The following IPO11 variants were observed in gnomAD, a reference collection of about 807,000 sequenced individuals.
IPO11 encodes importin-11.
IPO11 carries 66 observed loss-of-function variants against 143.2 expected under a neutral mutation model. That is an observed-to-expected ratio of 0.46 (90% CI 0.38 to 0.57). The LOEUF (loss-of-function observed/expected upper bound fraction) is 0.57, where lower values mean the gene tolerates loss of function less well. IPO11 is among the 20% of genes least tolerant of loss of function. The pLI, the probability that IPO11 is intolerant of heterozygous loss-of-function variation, is 0.00. For missense variants in IPO11, 1,026 were observed against 1,141.0 expected (o/e 0.90, Z 1.45); for synonymous variants, 385 against 377.8 (o/e 1.02, Z -0.22).
intron 1 of IPO11, among the ~76,000 whole-genome samples, chr5:62,427,734 C>A (rs537176660): frequency 1.3e-5 from 2 of 152,204 alleles, no homozygotes; most frequent in Non-Finnish European, 2.9e-5. Context: ...ACCATCCCCC[C>A]CTGCCCTTTA....
chr5:62,485,850 T>TAA (rs781614647), intron 12 of IPO11, among the ~76,000 whole-genome samples: 16 of 126,556 alleles, frequency 1.3e-4, no homozygotes, highest in Non-Finnish European at 2.0e-4. Flanking sequence ...ACCCGTCTCT[T>TAA]AAAAAAAAAA....
chr5:62,554,247 GTTGCTTTTGTCATA>G lies in IPO11; in HGVS notation c.2460+2913_2460+2926del, dbSNP rs199780276. Among the ~76,000 whole-genome samples the G allele has an allele frequency of 1.0e-3, 154 of 152,172 alleles. 1 individual carries two copies. Among genetic ancestry groups the G allele is most frequent in the East Asian group, 8.3e-3 (43 of 5,168 alleles). ...GGGATGTTCTTTTACTCTGTTGTTG[GTTGCTTTTGTCATA>G]TAGAAGCTTTTTAGTTTGATAGAAT... is the stretch of plus-strand genomic sequence containing the variant. On this transcript the variant is annotated intron_variant, in intron 26 of 29. Coordinates refer to ENST00000325324, the MANE Select transcript of IPO11 (RefSeq NM_016338.5).
At chr5:62,416,006 T>G (rs972325768) in intron 1 of IPO11, among the ~76,000 whole-genome samples, 3 of 152,096 alleles carry the variant, frequency 2.0e-5, no homozygotes, top group African/African-American at 7.2e-5. Flanking sequence ...AGAGAATTTT[T>G]TTTCTCACAG....
intron 1 of IPO11, among the ~76,000 whole-genome samples, chr5:62,428,528 GA>G (rs1177509385): frequency 6.6e-6 from 1 of 151,908 alleles, no homozygotes; most frequent in African/African-American, 2.4e-5. Context: ...ATTTTTAGTA[GA>G]GACGGAGTTT....
At chr5:62,450,793 A>G (rs1482276138) in intron 4 of IPO11, among the ~76,000 whole-genome samples, 2 of 150,956 alleles carry the variant, frequency 1.3e-5, no homozygotes, top group Non-Finnish European at 2.9e-5. Context: ...TTTTTTTTAT[A>G]TTGAGGTCTT....
chr5:62,486,105 C>T (rs990222370), intron 12 of IPO11, among the ~76,000 whole-genome samples: 9 of 151,298 alleles, frequency 5.9e-5, no homozygotes, highest in African/African-American at 7.3e-5. Context: ...CTCAGCCTCC[C>T]GAGTAGCTGG....
At chr5:62,568,623 A>G (rs967845653) in intron 27 of IPO11, among the ~76,000 whole-genome samples, 2 of 143,058 alleles carry the variant, frequency 1.4e-5, no homozygotes, top group Admixed American at 7.0e-5. Context: ...AAATTTTTTG[A>G]TAAGTTCCTG....
intron 16 of IPO11, among the ~76,000 whole-genome samples, chr5:62,495,183 C>T (rs923021181): frequency 1.3e-5 from 2 of 152,162 alleles, no homozygotes; most frequent in South Asian, 4.1e-4. Context: ...TTATTAAATA[C>T]TATAAGCATG....
At chr5:62,478,402 A>G (rs1746045073) in intron 9 of IPO11, among the ~76,000 whole-genome samples, 1 of 152,134 alleles carries the variant, frequency 6.6e-6, no homozygotes, top group African/African-American at 2.4e-5. Context: ...TCTGGGCTCA[A>G]GTGATCCACC....
intron 1 of IPO11, among the ~76,000 whole-genome samples, chr5:62,435,114 A>ATATGTATATATATGTATATG (rs1744142477): frequency 8.8e-5 from 9 of 102,310 alleles, no homozygotes; most frequent in South Asian, 5.3e-4. Flanking sequence ...ATATATGTAT[A>ATATGTATATATATGTATATG]TATGTATATA....
chr5:62,576,479 A>T (rs1032580355), intron 27 of IPO11, among the ~76,000 whole-genome samples: 1 of 152,242 alleles, frequency 6.6e-6, no homozygotes, highest in Non-Finnish European at 1.5e-5. Flanking sequence ...ATTGGTTTAT[A>T]TATAGATGGT....
intron 1 of IPO11, among the ~76,000 whole-genome samples, chr5:62,436,328 T>C (rs1372473018): frequency 3.3e-5 from 5 of 152,226 alleles, no homozygotes; most frequent in African/African-American, 1.2e-4. Context: ...TTTCAGACTT[T>C]TACTGTCTGG....
chr5:62,438,765 G>A (rs573844513), intron 2 of IPO11, among the ~76,000 whole-genome samples: 13 of 146,614 alleles, frequency 8.9e-5, no homozygotes, highest in African/African-American at 2.8e-4. Context: ...AAAAAAAAGG[G>A]GGGGAGCAGC....
chr5:62,579,821 T>G (rs1407620676), intron 27 of IPO11: 2 of 1,546,882 alleles, frequency 1.3e-6, no homozygotes, highest in Non-Finnish European at 1.7e-6. Flanking sequence ...CCTGGAATAT[T>G]TAAGGGACTT....
chr5:62,552,948 TC>T (rs758162545), intron 26 of IPO11, among the ~76,000 whole-genome samples: 1 of 152,192 alleles, frequency 6.6e-6, no homozygotes, highest in Non-Finnish European at 1.5e-5. Flanking sequence ...ACTTACTATT[TC>T]TCTGTATTGG....
At chr5:62,518,967 G>A (rs765720507) in intron 20 of IPO11, among the ~76,000 whole-genome samples, 1 of 152,154 alleles carries the variant, frequency 6.6e-6, no homozygotes, top group Non-Finnish European at 1.5e-5. Context: ...GAATAAGTGT[G>A]TTAATTGCCC....
At chr5:62,514,814 G>A (rs1417993474) in intron 19 of IPO11, among the ~76,000 whole-genome samples, 2 of 152,194 alleles carry the variant, frequency 1.3e-5, no homozygotes, top group African/African-American at 4.8e-5. Flanking sequence ...TGTAAAATCT[G>A]ATTAACTTAA....
chr5:62,622,229 G>C (rs1207482712), intron 29 of IPO11, among the ~76,000 whole-genome samples: 1 of 152,042 alleles, frequency 6.6e-6, no homozygotes, highest in Non-Finnish European at 1.5e-5. Context: ...CGATCACTTG[G>C]GGAGCTTTTA....
At chr5:62,425,427 C>G (rs1743696986) in intron 1 of IPO11, among the ~76,000 whole-genome samples, 1 of 152,206 alleles carries the variant, frequency 6.6e-6, no homozygotes, top group African/African-American at 2.4e-5. Flanking sequence ...AGGCGATTCT[C>G]CTGCCTCAGC....
Sources: gnomAD v4.1 joint callset for allele counts (sites outside exome capture counted in the v4.1 genomes callset) on GRCh38, gnomAD v4.1.1 for gene constraint, MANE v1.5 for transcripts, NCBI Gene and HGNC (gene_info 2026-07-23, HGNC 2026-07-21) for gene names.